The following DOK1 variants were observed in gnomAD, a reference collection of about 807,000 sequenced individuals.
The protein encoded by DOK1 is docking protein 1.
Under a neutral mutation model 24.0 loss-of-function variants are expected in DOK1, and 12 were observed. The observed-to-expected ratio is 0.50, with a 90% CI of 0.32 to 0.81. DOK1 has a LOEUF of 0.81. Among genes scored for constraint, DOK1 ranks in the 30% least tolerant of loss-of-function variants. DOK1 has a pLI of 0.03. For synonymous variants in DOK1, 250 were observed against 260.9 expected (o/e 0.96, Z 0.40); for missense variants, 591 against 620.7 (o/e 0.95, Z 0.51).
rs1043628006 is a variant in DOK1, at chr2:74,557,308, G to A, written c.*194G>A. On this transcript the variant is annotated 3_prime_UTR_variant, in exon 5 of 5. Coordinates refer to ENST00000233668, the MANE Select transcript of DOK1 (RefSeq NM_001381.5). ...CCTAAGAAGTGGGGCAGATGGCAGG[G>A]CTGAGGATGGGCTCTGCATCCCCCA... 4.6e-5 allele frequency: 27 copies of A among 582,996 alleles called. No homozygotes were observed. Among genetic ancestry groups the A allele is most frequent in the Non-Finnish European group, 7.4e-5 (25 of 337,188 alleles). 36.1% of individuals were successfully genotyped at this position (582,996 alleles called of 1,614,324 possible). A position where few individuals can be genotyped will look rare whatever the true frequency, so the allele number is the denominator to read the frequency against.
rs1329743036 is a variant in DOK1, at chr2:74,555,384, G to A, written c.291G>A (p.Ser97=). 1.2e-6 allele frequency: 2 copies of A among 1,612,560 alleles called. No homozygotes were observed. Among genetic ancestry groups the A allele is most frequent in the South Asian group, 2.2e-5 (2 of 91,030 alleles). ...TAFRLDTAQR[S]HLLAADAPSS... ...TCCGCCTGGACACTGCTCAGCGCTC[G>A]CACCTGCTGGCGGCCGACGCGCCGT... The change falls in exon 2 of 5, where the codon TCG becomes TCA. Residue 97 remains serine (S), a synonymous_variant. Coordinates refer to ENST00000233668, the MANE Select transcript of DOK1 (RefSeq NM_001381.5). The surrounding 1 kb of genome is among the most constrained non-coding windows in gnomAD (Gnocchi z 6.1).
upstream of DOK1, chr2:74,554,563 G>C (rs1337735486): frequency 1.6e-6 from 1 of 607,982 alleles, no homozygotes; most frequent in African/African-American, 1.9e-5. This position sits in a 1 kb window ranked among gnomAD's most constrained non-coding sequence, Gnocchi z 4.9. Context: ...GGCCTGGGGT[G>C]CTGCAGCTCC....
Position 74,554,797 on chromosome 2 carries a change from C to A in DOK1, c.43C>A (p.Gln15Lys), listed in dbSNP as rs747377401. ...GGAAGGGCCGCTTTTTTTGCAGAGT[C>A]AGCGCTTTGGGACCAAGGTAGTCTG... ...VMEGPLFLQS[Q>K]RFGTKRWRKT... Residue 15 changes from glutamine to lysine, a missense_variant, in exon 1 of 5, where the codon CAG (glutamine) becomes AAG (lysine). Coordinates refer to ENST00000233668, the MANE Select transcript of DOK1 (RefSeq NM_001381.5). This position sits in a 1 kb window ranked among gnomAD's most constrained non-coding sequence, Gnocchi z 4.9. 5.0e-6 allele frequency: 8 copies of A among 1,614,020 alleles called. No homozygotes were observed. The highest frequency in any genetic ancestry group is 6.8e-6 in the Non-Finnish European group (8 of 1,179,924).
In DOK1 at chr2:74,549,701, A is replaced by T. The variant is rs898904181; in HGVS notation, c.-358+529A>T. On this transcript the variant is annotated intron_variant, in intron 1 of 4. Coordinates refer to the DOK1 transcript ENST00000409429. This position sits in a 1 kb window ranked among gnomAD's most constrained non-coding sequence, Gnocchi z 5.3. ...TAAACCCAGTGGCGGGATGGGCCCG[A>T]GGCGGCGCTGAGAGAGCGGCCACGA... 25 of 1,449,198 alleles carry T rather than the reference A, an allele frequency of 1.7e-5. No homozygotes were observed. Among genetic ancestry groups the T allele is most frequent in the Non-Finnish European group, 2.3e-5 (25 of 1,097,746 alleles). 89.8% of individuals were successfully genotyped at this position (1,449,198 alleles called of 1,614,324 possible).
At chr2:74,553,677 C>A (rs909653904), upstream of DOK1, among the ~76,000 whole-genome samples, 3 of 152,220 alleles carry the variant, frequency 2.0e-5, no homozygotes, top group African/African-American at 7.2e-5. Flanking sequence ...CCTGGCGGCC[C>A]TGTTCGAACA....
At chr2:74,554,613 C>G (rs1170875257), upstream of DOK1, 1 of 740,500 alleles carries the variant, frequency 1.4e-6, no homozygotes, top group Non-Finnish European at 2.2e-6. This position sits in a 1 kb window ranked among gnomAD's most constrained non-coding sequence, Gnocchi z 4.9. Context: ...TCTCGCTCCT[C>G]TCCCTCACCC....
upstream of DOK1, chr2:74,552,707 G>C: frequency 7.3e-7 from 1 of 1,368,282 alleles, no homozygotes; most frequent in Non-Finnish European, 9.7e-7. Context: ...CCCAGAGTCA[G>C]AAAGAGAGGG....
In DOK1 at chr2:74,556,426, A is replaced by T; in HGVS notation, c.758A>T (p.Lys253Met). Residue 253 changes from lysine to methionine, a missense_variant, in exon 5 of 5, where the codon AAG becomes ATG. By Grantham distance (95) the Lys-to-Met change is moderately conservative. Transcript: ENST00000233668. This position sits in a 1 kb window ranked among gnomAD's most constrained non-coding sequence, Gnocchi z 4.1. ...GTTGAGACTGCCATCCACCGGCAGA[A>T]GGCCCAGGGAAAGGCCGGACAGGGG... is the stretch of plus-strand genomic sequence containing the variant. ...QAVETAIHRQ[K>M]AQGKAGQGHD... 6.2e-7 allele frequency: 1 copy of T among 1,614,180 alleles called. No individual in the cohort carries two copies.
At position 74,554,725 on chromosome 2, in the gene DOK1, C is replaced by T. The variant is rs1431208515; in HGVS notation, c.-30C>T. ...CCCGCCCCGCCTCCCGCCGCAGGGCCAGGAAGCGCGGAAGGAACCGCCGGG... is the reference window on the plus strand; with the variant it reads ...CCCGCCCCGCCTCCCGCCGCAGGGCTAGGAAGCGCGGAAGGAACCGCCGGG... On this transcript the variant is annotated 5_prime_UTR_variant, in exon 1 of 5. Transcript: ENST00000233668. This position sits in a 1 kb window ranked among gnomAD's most constrained non-coding sequence, Gnocchi z 4.9. 1.2e-6 allele frequency: 2 copies of T among 1,611,106 alleles called. No individual in the cohort carries two copies. Among genetic ancestry groups the T allele is most frequent in the Non-Finnish European group, 1.7e-6 (2 of 1,178,890 alleles).
chr2:74,550,178 T>G (rs1462097741), upstream of DOK1: 3 of 1,611,802 alleles, frequency 1.9e-6, no homozygotes, highest in Non-Finnish European at 2.5e-6. Flanking sequence ...GTCTAGGAAA[T>G]GCAGACCTCA....
At position 74,556,526 on chromosome 2, in the gene DOK1, A is replaced by G. The variant is rs770746152; in HGVS notation, c.858A>G (p.Gln286=). The change falls in exon 5 of 5, where the codon CAA becomes CAG. Residue 286 remains glutamine, a synonymous_variant. Coordinates refer to ENST00000233668, the MANE Select transcript of DOK1 (RefSeq NM_001381.5). The surrounding 1 kb of genome is among the most constrained non-coding windows in gnomAD (Gnocchi z 4.1). ...AGTTGCCTTCCCCACCTGGCCCCCA[A>G]GAGCTCCTCGACAGTCCCCCAGCCC... The part of the protein sequence containing the change: ...EGKLPSPPGP[Q]ELLDSPPALY... The G allele has an allele frequency of 8.7e-6, 14 of 1,614,158 alleles. No individual in the cohort carries two copies. Among genetic ancestry groups the G allele is most frequent in the Non-Finnish European group, 1.1e-5 (13 of 1,180,014 alleles).
upstream of DOK1, chr2:74,552,224 G>A: frequency 2.7e-6 from 3 of 1,097,164 alleles, no homozygotes; most frequent in South Asian, 1.6e-5. Context: ...TGTTCTTGGT[G>A]TCGTGTGTCC....
chr2:74,555,316 C>T lies in DOK1; in HGVS notation c.223C>T (p.Pro75Ser). The change falls in exon 2 of 5, where the codon CCC becomes TCC. Residue 75 changes from proline (P) to serine (S), a missense_variant. Physicochemically the swap from Pro to Ser is moderately conservative, Grantham distance 74 (BLOSUM62 -1). Transcript: ENST00000233668. The surrounding 1 kb of genome is among the most constrained non-coding windows in gnomAD (Gnocchi z 6.1). ...IRLAECVSVA[P>S]VTVETPPEPG... is the part of the protein sequence containing the mutation. ...TCTGGCTGAGTGTGTGAGTGTGGCC[C>T]CCGTCACCGTGGAGACCCCCCCTGA... The T allele has an allele frequency of 6.2e-7, 1 of 1,614,066 alleles. No individual in the cohort carries two copies. The highest frequency in any genetic ancestry group is 8.5e-7 in the Non-Finnish European group (1 of 1,180,004).
At chr2:74,553,557 C>T (rs563018037), upstream of DOK1, among the ~76,000 whole-genome samples, 1 of 152,338 alleles carries the variant, frequency 6.6e-6, no homozygotes, top group South Asian at 2.1e-4. Context: ...AGCAAGCCCC[C>T]GTCAACATGC....
At chr2:74,554,663 A>T (rs907684020), upstream of DOK1, 3 of 1,274,366 alleles carry the variant, frequency 2.4e-6, no homozygotes, top group African/African-American at 4.5e-5. The surrounding 1 kb of genome is among the most constrained non-coding windows in gnomAD (Gnocchi z 4.9). Flanking sequence ...GGGGCCGGGG[A>T]GGGGCGGAAA....
At chr2:74,554,588 G>T (rs1025274440), upstream of DOK1, 13 of 647,498 alleles carry the variant, frequency 2.0e-5, no homozygotes, top group Non-Finnish European at 3.2e-5. The surrounding 1 kb of genome is among the most constrained non-coding windows in gnomAD (Gnocchi z 4.9). Context: ...TAATCCGGGG[G>T]TCTCCACCAT....
chr2:74,556,116 A>G lies in DOK1; in HGVS notation c.639+38A>G, dbSNP rs1481675183. 1 of 1,547,542 alleles carries G rather than the reference A, an allele frequency of 6.5e-7. No homozygotes were observed. Among genetic ancestry groups the G allele is most frequent in the East Asian group, 2.3e-5 (1 of 44,278 alleles). ...TCCGGGAGGGCTTCCTGGGTTGGGC[A>G]GCTGTGGGAGGGGTGGGGCAGGACA... On this transcript the variant is annotated intron_variant, in intron 4 of 4. Transcript: ENST00000233668. This position sits in a 1 kb window ranked among gnomAD's most constrained non-coding sequence, Gnocchi z 4.1.
In DOK1 at chr2:74,556,100, G is replaced by T; in HGVS notation, c.639+22G>T. The T allele has an allele frequency of 3.9e-6, 6 of 1,557,898 alleles. No homozygotes were observed. The highest frequency in any genetic ancestry group is 4.3e-6 in the Non-Finnish European group (5 of 1,149,518). ...CAAGGTGCAGGGGCTGTCCGGGAGG[G>T]CTTCCTGGGTTGGGCAGCTGTGGGA... On this transcript the variant is annotated intron_variant, in intron 4 of 4. Transcript: ENST00000233668. This position sits in a 1 kb window ranked among gnomAD's most constrained non-coding sequence, Gnocchi z 4.1.
Position 74,555,537 on chromosome 2 carries a change from T to C in DOK1, c.361-38T>C. On this transcript the variant is annotated intron_variant, in intron 2 of 4. Transcript: ENST00000233668. The surrounding 1 kb of genome is among the most constrained non-coding windows in gnomAD (Gnocchi z 6.1). ...CCTCAGACCGACCCCCGCTCCCCGC[T>C]GAGGAAATTACGGGTTTCTCGATGC... is the stretch of plus-strand genomic sequence containing the variant. 6.2e-7 allele frequency: 1 copy of C among 1,613,690 alleles called. No individual in the cohort carries two copies. The highest frequency in any genetic ancestry group is 8.5e-7 in the Non-Finnish European group (1 of 1,179,956).
Sources: allele counts gnomAD v4.1 joint callset (sites outside exome capture counted in the v4.1 genomes callset), GRCh38; gene constraint gnomAD v4.1.1; non-coding constraint Gnocchi (gnomAD v3.1); transcripts MANE v1.5; gene names NCBI Gene and HGNC (gene_info 2026-07-23, HGNC 2026-07-21).